The following DLGAP2 variants were observed in gnomAD, a reference collection of about 807,000 sequenced individuals.
DLGAP2 encodes DLG associated protein 2, also known as disks large-associated protein 2.
DLGAP2 carries 26 observed loss-of-function variants against 100.3 expected under a neutral mutation model. That is an observed-to-expected ratio of 0.26 (90% CI 0.19 to 0.36). The LOEUF (loss-of-function observed/expected upper bound fraction) is 0.36, where lower values mean the gene tolerates loss of function less well. Ranked by LOEUF, DLGAP2 falls within the 10% of genes least tolerant of loss-of-function variation. The pLI, the probability that DLGAP2 is intolerant of heterozygous loss-of-function variation, is 1.00. For missense variants in DLGAP2, 1,858 were observed against 1,453.2 expected (o/e 1.28, Z -4.53); for synonymous variants, 886 against 630.1 (o/e 1.41, Z -6.08).
At chr8:1,066,867 A>T (rs1803270464) in intron 2 of DLGAP2, among the ~76,000 whole-genome samples, 2 of 152,210 alleles carry the variant, frequency 1.3e-5, no homozygotes, top group Non-Finnish European at 2.9e-5. Context: ...GTATAGTCTC[A>T]GTCCCAATTT....
chr8:1,561,300 G>A (rs1431024094), intron 5 of DLGAP2, among the ~76,000 whole-genome samples: 2 of 152,058 alleles, frequency 1.3e-5, no homozygotes, highest in African/African-American at 4.8e-5. Flanking sequence ...GAGAAGAGAT[G>A]CATACAATAC....
At chr8:1,075,229 C>T (rs1183427686) in intron 2 of DLGAP2, among the ~76,000 whole-genome samples, 1 of 152,190 alleles carries the variant, frequency 6.6e-6, no homozygotes, top group East Asian at 1.9e-4. Flanking sequence ...CAGATGACCA[C>T]TCCGGCTGCC....
At chr8:1,671,180 A>AC (rs1798681686) in intron 10 of DLGAP2, among the ~76,000 whole-genome samples, 1 of 152,126 alleles carries the variant, frequency 6.6e-6, no homozygotes. Flanking sequence ...ACTCCACTCC[A>AC]CCCCTCTCTG....
chr8:1,122,549 C>G (rs1796073294), intron 2 of DLGAP2, among the ~76,000 whole-genome samples: 1 of 152,174 alleles, frequency 6.6e-6, no homozygotes, highest in Non-Finnish European at 1.5e-5. Flanking sequence ...ACTGTTTTGT[C>G]ATAGTAAACT....
rs72507651 is a variant in DLGAP2, at chr8:1,478,745, C to T, written c.107-22621C>T. On this transcript the variant is annotated intron_variant, in intron 3 of 14. Transcript: ENST00000637795. The stretch of plus-strand genomic sequence containing the variant: ...TTGGATGGCAGCCACCCCCACCCAC[C>T]AGTCGGCTCCTCAGTATGAGAGGTG... Among the ~76,000 whole-genome samples, 1,132 of 152,300 alleles carry T rather than the reference C, an allele frequency of 7.4e-3. 15 individuals are homozygous for T. Among genetic ancestry groups the T allele is most frequent in the East Asian group, 0.028 (143 of 5,166 alleles).
intron 4 of DLGAP2, among the ~76,000 whole-genome samples, chr8:1,531,277 G>T (rs1800983310): frequency 7.6e-6 from 1 of 131,926 alleles, no homozygotes; most frequent in Non-Finnish European, 1.6e-5. Context: ...TGTGTGTTCA[G>T]GTTCTTAACC....
Position 1,633,018 on chromosome 8 carries a change from C to A in DLGAP2, c.1782C>A (p.Asp594Glu). The change falls in exon 8 of 15, where the codon GAC becomes GAA. Residue 594 changes from aspartate to glutamate, a missense_variant. Transcript: ENST00000637795. ...GTATTCCCATGATGACACCCTCTGA[C>A]ATCACCTCCACCATCAGGTCAACAG... ...DECIPMMTPS[D>E]ITSTIRSTAA... 6.2e-7 allele frequency: 1 copy of A among 1,613,996 alleles called. No homozygotes were observed. Among genetic ancestry groups the A allele is most frequent in the Non-Finnish European group, 8.5e-7 (1 of 1,179,888 alleles).
intron 2 of DLGAP2, among the ~76,000 whole-genome samples, chr8:969,231 C>T (rs992613981): frequency 5.3e-5 from 8 of 152,330 alleles, no homozygotes; most frequent in Middle Eastern, 6.8e-3. Flanking sequence ...TCATGGCCTC[C>T]GATGTCAGCT....
At chr8:1,151,977 T>C (rs1415559491) in intron 2 of DLGAP2, among the ~76,000 whole-genome samples, 1 of 152,244 alleles carries the variant, frequency 6.6e-6, no homozygotes, top group Non-Finnish European at 1.5e-5. Flanking sequence ...ACAAGACACC[T>C]GCGAGTAGTT....
At chr8:1,463,404 G>A (rs1282698400) in intron 3 of DLGAP2, among the ~76,000 whole-genome samples, 1 of 152,232 alleles carries the variant, frequency 6.6e-6, no homozygotes, top group Non-Finnish European at 1.5e-5. Context: ...CACTCAGAGA[G>A]AACCCAGCAT....
chr8:782,237 T>TA (rs58551949), intron 1 of DLGAP2, among the ~76,000 whole-genome samples: 99 of 149,124 alleles, frequency 6.6e-4, no homozygotes, highest in African/African-American at 1.7e-3. Flanking sequence ...TAAAAAAAAT[T>TA]AAAAAAAAAA....
intron 2 of DLGAP2, among the ~76,000 whole-genome samples, chr8:1,077,146 C>G (rs1016787263): frequency 6.6e-6 from 1 of 152,218 alleles, no homozygotes; most frequent in Non-Finnish European, 1.5e-5. Flanking sequence ...CACCTTCATG[C>G]AGTGTTCTCC....
intron 6 of DLGAP2, among the ~76,000 whole-genome samples, chr8:1,620,135 T>A (rs1286342153): frequency 6.6e-6 from 1 of 152,164 alleles, no homozygotes; most frequent in Admixed American, 6.5e-5. Flanking sequence ...CACTCATACT[T>A]CCATTTTCTT....
chr8:1,305,684 G>T (rs1800473121), intron 3 of DLGAP2, among the ~76,000 whole-genome samples: 1 of 152,164 alleles, frequency 6.6e-6, no homozygotes, highest in Non-Finnish European at 1.5e-5. Context: ...CCATCAACCT[G>T]CTGGGACAAA....
At chr8:1,010,604 A>T (rs191825360) in intron 2 of DLGAP2, among the ~76,000 whole-genome samples, 1 of 152,186 alleles carries the variant, frequency 6.6e-6, no homozygotes, top group Non-Finnish European at 1.5e-5. Flanking sequence ...TACGACATCA[A>T]ATGGAGCTTA....
At chr8:877,944 C>G (rs1563075329) in intron 1 of DLGAP2, among the ~76,000 whole-genome samples, 1 of 152,194 alleles carries the variant, frequency 6.6e-6, no homozygotes, top group Non-Finnish European at 1.5e-5. Context: ...TAGGAGAGAG[C>G]AGACTTGGTT....
At chr8:969,637 C>T (rs764541312) in intron 2 of DLGAP2, among the ~76,000 whole-genome samples, 2 of 152,078 alleles carry the variant, frequency 1.3e-5, no homozygotes, top group Non-Finnish European at 2.9e-5. Flanking sequence ...TGTGGGTGCT[C>T]TAAAAGTTCC....
intron 4 of DLGAP2, among the ~76,000 whole-genome samples, chr8:1,527,404 C>T (rs1472454981): frequency 2.0e-5 from 3 of 152,214 alleles, no homozygotes; most frequent in Non-Finnish European, 2.9e-5. Context: ...TTCTCACGTG[C>T]AGGACAGATG....
chr8:1,273,941 C>T (rs983309508), intron 3 of DLGAP2, among the ~76,000 whole-genome samples: 2 of 152,142 alleles, frequency 1.3e-5, no homozygotes, highest in African/African-American at 4.8e-5. Context: ...GGTGTGTGCT[C>T]ACTAATGCTC....
Sources: gnomAD v4.1 joint callset for allele counts (sites outside exome capture counted in the v4.1 genomes callset) on GRCh38, gnomAD v4.1.1 for gene constraint, MANE v1.5 for transcripts, NCBI Gene and HGNC (gene_info 2026-07-23, HGNC 2026-07-21) for gene names.